The following AGBL4 variants were observed in gnomAD, a reference collection of about 807,000 sequenced individuals.
The protein encoded by AGBL4 is AGBL carboxypeptidase 4.
In AGBL4, 58 loss-of-function variants were observed where a neutral mutation model predicts 66.4. The ratio of observed to expected loss-of-function variants is 0.87; its 90% CI spans 0.71 to 1.09. The LOEUF (loss-of-function observed/expected upper bound fraction) is 1.09. Among genes scored for constraint, AGBL4 ranks in the 50% least tolerant of loss-of-function variants. The pLI is 0.00. For missense variants in AGBL4, 579 were observed against 631.0 expected, an observed-to-expected ratio of 0.92 and a Z score of 0.88; for synonymous variants, 234 against 222.9, an observed-to-expected ratio of 1.05 and a Z score of -0.44.
intron 1 of AGBL4, among the ~76,000 whole-genome samples, chr1:49,887,437 T>A (rs1359380378): frequency 6.6e-6 from 1 of 151,898 alleles, no homozygotes; most frequent in Non-Finnish European, 1.5e-5. Flanking sequence ...AAAAGATAAG[T>A]TGTTCTAAAA....
At chr1:49,616,448 CTAAATA>C (rs1277674406) in intron 3 of AGBL4, among the ~76,000 whole-genome samples, 5 of 152,120 alleles carry the variant, frequency 3.3e-5, no homozygotes, top group Admixed American at 3.3e-4. Flanking sequence ...TCTTTGATCT[CTAAATA>C]TATTCTCCTC....
chr1:48,555,292 T>C (rs1644305276), intron 11 of AGBL4, among the ~76,000 whole-genome samples: 3 of 152,152 alleles, frequency 2.0e-5, no homozygotes, highest in Admixed American at 6.5e-5. Context: ...GGAATACAAT[T>C]GCATACAACG....
chr1:49,986,216 T>C (rs1002307076), intron 1 of AGBL4, among the ~76,000 whole-genome samples: 3 of 152,080 alleles, frequency 2.0e-5, no homozygotes, highest in Non-Finnish European at 2.9e-5. Flanking sequence ...ATCTTGCCCC[T>C]TCCCAATCAA....
At chr1:49,204,399 T>C (rs893444089) in intron 4 of AGBL4, among the ~76,000 whole-genome samples, 1 of 151,476 alleles carries the variant, frequency 6.6e-6, no homozygotes, top group Non-Finnish European at 1.5e-5. Context: ...GCCTCTGGAG[T>C]AACTGGGACT....
chr1:49,725,416 G>A (rs766776723), intron 2 of AGBL4, among the ~76,000 whole-genome samples: 1 of 152,126 alleles, frequency 6.6e-6, no homozygotes, highest in Non-Finnish European at 1.5e-5. Context: ...AAATCTCCGT[G>A]GCTTACAACA....
In AGBL4 at chr1:49,361,535, A is replaced by C. The variant is rs1470267385; in HGVS notation, c.283-115671T>G. Among the ~76,000 whole-genome samples, 6 of 152,270 alleles carry C rather than the reference A, an allele frequency of 3.9e-5. No individual in the cohort carries two copies. The South Asian group carries it at 8.3e-4, about 21-fold the overall frequency. ...TGGACAGAGTTTCACCATGTTGTCC[A>C]GGGTGGCCTCAAACTCCTGAGCTCA... On this transcript the variant is annotated intron_variant, in intron 3 of 13. Coordinates refer to ENST00000371839, the MANE Select transcript of AGBL4 (RefSeq NM_032785.4).
intron 2 of AGBL4, among the ~76,000 whole-genome samples, chr1:49,828,134 A>C (rs946758334): frequency 7.9e-5 from 12 of 152,198 alleles, no homozygotes; most frequent in Non-Finnish European, 1.5e-4. Context: ...GTAAAAAAAA[A>C]AACAACTCAT....
intron 3 of AGBL4, chr1:49,269,390 G>A (rs1644004372): frequency 6.6e-6 from 1 of 152,112 alleles, no homozygotes; most frequent in Admixed American, 6.5e-5. Flanking sequence ...GCTGTTCAAA[G>A]AGCCAACAAA....
At chr1:48,588,015 T>G (rs1211501069) in intron 10 of AGBL4, among the ~76,000 whole-genome samples, 2 of 152,188 alleles carry the variant, frequency 1.3e-5, no homozygotes, top group African/African-American at 2.4e-5. Flanking sequence ...TTGTTTCCCA[T>G]GCAGTATCTC....
intron 6 of AGBL4, among the ~76,000 whole-genome samples, chr1:48,781,532 A>G (rs1645292829): frequency 6.6e-6 from 1 of 152,236 alleles, no homozygotes; most frequent in Admixed American, 6.5e-5. Context: ...GATAGTTTAA[A>G]TACAGATTTC....
In AGBL4 at chr1:49,300,810, C is replaced by A. The variant is rs180947811; in HGVS notation, c.283-54946G>T. Among the ~76,000 whole-genome samples the A allele has an allele frequency of 7.0e-4, 107 of 152,300 alleles. No homozygotes were observed. The East Asian group carries it at 0.019, about 27-fold the overall frequency. Reference sequence around the variant, plus strand: ...TCGTTGTGCTATTCTGCATAAAATGCCTTCTTTGAACTCTGTGCCTGGCTA... The same window carrying A: ...TCGTTGTGCTATTCTGCATAAAATGACTTCTTTGAACTCTGTGCCTGGCTA... On this transcript the variant is annotated intron_variant, in intron 3 of 13. Coordinates refer to ENST00000371839, the MANE Select transcript of AGBL4 (RefSeq NM_032785.4).
At chr1:49,847,153 T>G (rs1292268096) in intron 2 of AGBL4, among the ~76,000 whole-genome samples, 1 of 152,044 alleles carries the variant, frequency 6.6e-6, no homozygotes, top group African/African-American at 2.4e-5. Context: ...TACACATACA[T>G]TGGGAAGAGG....
At chr1:49,101,943 G>C (rs753686108) in intron 4 of AGBL4, among the ~76,000 whole-genome samples, 4 of 152,128 alleles carry the variant, frequency 2.6e-5, no homozygotes, top group African/African-American at 7.2e-5. Flanking sequence ...TGTCAAAGGA[G>C]AGACTATCTG....
At chr1:49,826,861 A>T (rs1197253576) in intron 2 of AGBL4, among the ~76,000 whole-genome samples, 1 of 152,216 alleles carries the variant, frequency 6.6e-6, no homozygotes, top group Non-Finnish European at 1.5e-5. Context: ...TCCACAAAAG[A>T]AATATTAGTA....
At chr1:49,743,137 T>G (rs1401273156) in intron 2 of AGBL4, among the ~76,000 whole-genome samples, 1 of 152,150 alleles carries the variant, frequency 6.6e-6, no homozygotes, top group Non-Finnish European at 1.5e-5. Flanking sequence ...GGGAGAAGAT[T>G]TTTGCAATCT....
At chr1:48,837,696 ACG>A (rs1249729955) in intron 6 of AGBL4, among the ~76,000 whole-genome samples, 2,084 of 122,272 alleles carry the variant, frequency 0.017, 25 homozygotes, top group Non-Finnish European at 0.027. Flanking sequence ...ACGCACACAC[ACG>A]CACACACACA....
chr1:49,042,314 G>T (rs1213330665), intron 5 of AGBL4, among the ~76,000 whole-genome samples: 3 of 151,976 alleles, frequency 2.0e-5, no homozygotes, highest in Non-Finnish European at 4.4e-5. Flanking sequence ...CCCCAGAAAG[G>T]GAACATAGAA....
At chr1:49,909,491 A>T (rs1351047933) in intron 1 of AGBL4, among the ~76,000 whole-genome samples, 2 of 152,184 alleles carry the variant, frequency 1.3e-5, no homozygotes, top group Non-Finnish European at 2.9e-5. Flanking sequence ...GCAAAAGCAT[A>T]TATCCTGAGG....
At chr1:48,624,886 C>G (rs1645473701) in intron 9 of AGBL4, among the ~76,000 whole-genome samples, 1 of 121,466 alleles carries the variant, frequency 8.2e-6, no homozygotes, top group Non-Finnish European at 1.7e-5. Context: ...GATGTTAATT[C>G]CAGGTGTGTG....
Sources: allele counts gnomAD v4.1 joint callset (sites outside exome capture counted in the v4.1 genomes callset), GRCh38; gene constraint gnomAD v4.1.1; transcripts MANE v1.5; gene names NCBI Gene and HGNC (gene_info 2026-07-23, HGNC 2026-07-21).